Variants in BBOX1 observed in about 807,000 individuals in gnomAD.
BBOX1 encodes the protein gamma-butyrobetaine dioxygenase.
BBOX1 carries 35 observed loss-of-function variants against 41.6 expected under a neutral mutation model. The observed-to-expected ratio is 0.84, with a 90% confidence interval of 0.64 to 1.11. The LOEUF is 1.11. Among genes scored for constraint, BBOX1 ranks in the 50% most tolerant of loss-of-function variants. BBOX1 has a pLI of 0.00. For missense variants in BBOX1, 458 were observed against 460.6 expected (o/e 0.99, Z 0.05); for synonymous variants, 163 against 154.7 (o/e 1.05, Z -0.40).
chr11:27,079,039 C>A (rs563914870), intron 4 of BBOX1, among the ~76,000 whole-genome samples: 1 of 152,030 alleles, frequency 6.6e-6, no homozygotes. Context: ...AGCAAAGGCA[C>A]GTTAAAGAAC....
At chr11:27,110,998 C>G (rs1017266694) in intron 5 of BBOX1, among the ~76,000 whole-genome samples, 1 of 151,894 alleles carries the variant, frequency 6.6e-6, no homozygotes, top group African/African-American at 2.4e-5. Flanking sequence ...CTTACAAAGT[C>G]TGAATAATGG....
At chr11:27,054,205 C>CTGTGTGTGTGTGTGTG (rs57324926) in intron 2 of BBOX1, among the ~76,000 whole-genome samples, 33 of 139,486 alleles carry the variant, frequency 2.4e-4, no homozygotes, top group African/African-American at 7.1e-4. Flanking sequence ...GTGTGTGTGT[C>CTGTGTGTGTGTGTGTG]TGTGTGTGTG....
chr11:27,089,248 C>A (rs1317862214), intron 4 of BBOX1, among the ~76,000 whole-genome samples: 1 of 151,934 alleles, frequency 6.6e-6, no homozygotes, highest in Non-Finnish European at 1.5e-5. Context: ...GATGTCAAAT[C>A]TCAATAACCA....
chr11:27,091,328 C>T (rs190526226), intron 4 of BBOX1, among the ~76,000 whole-genome samples: 4 of 152,074 alleles, frequency 2.6e-5, no homozygotes, highest in Admixed American at 2.6e-4. Flanking sequence ...AAACCTACTG[C>T]ATATCACCAT....
At position 27,125,652 on chromosome 11, in the gene BBOX1, A is replaced by G; in HGVS notation, c.837-2A>G. On this transcript the variant is annotated splice_acceptor_variant, in intron 7 of 8. Transcript: ENST00000263182. LOFTEE classifies it high-confidence loss of function. ...TATTAATTTTTTCTCTTAATAAAACAGGTTAGATGATAAAGGCCAAGTGGT... is the reference window on the plus strand; with the variant it reads ...TATTAATTTTTTCTCTTAATAAAACGGGTTAGATGATAAAGGCCAAGTGGT... 2 of 1,521,928 alleles carry G rather than the reference A, an allele frequency of 1.3e-6. No homozygotes were observed. The highest frequency in any genetic ancestry group is 1.8e-6 in the Non-Finnish European group (2 of 1,134,184). The allele number at this position is 1,521,928 out of a possible 1,614,324, so 94.3% of individuals were successfully genotyped here.
chr11:27,073,302 A>T (rs1233719591), intron 4 of BBOX1, among the ~76,000 whole-genome samples: 1 of 152,256 alleles, frequency 6.6e-6, no homozygotes, highest in Non-Finnish European at 1.5e-5. Flanking sequence ...GCCAACAGTC[A>T]CATGAAAAAT....
At chr11:27,106,415 CA>C (rs1284871816) in intron 5 of BBOX1, among the ~76,000 whole-genome samples, 32 of 150,410 alleles carry the variant, frequency 2.1e-4, no homozygotes, top group Non-Finnish European at 3.3e-4. Context: ...AAATGGAAAA[CA>C]AAAAAAAGGT....
Position 27,119,741 on chromosome 11 carries a change from T to A in BBOX1, c.732T>A (p.Asn244Lys). The A allele has an allele frequency of 1.2e-6, 2 of 1,604,448 alleles. No homozygotes were observed. The highest frequency in any genetic ancestry group is 1.7e-6 in the Non-Finnish European group (2 of 1,176,694). The change falls in exon 7 of 9, where the codon AAT (asparagine) becomes AAA (lysine). Residue 244 changes from asparagine to lysine, a missense_variant. By Grantham distance (94) the Asn-to-Lys change is moderately conservative. Transcript: ENST00000263182. The stretch of plus-strand genomic sequence containing the variant: ...ATGTGTGCCAAAAACTAAAGAAAAA[T>A]AATCCTCAGGCATTCCAGATTTTGT... The part of the protein sequence containing the change: ...GFNVCQKLKK[N>K]NPQAFQILSS...
chr11:27,105,350 G>A (rs972616674), intron 5 of BBOX1, among the ~76,000 whole-genome samples: 3 of 152,208 alleles, frequency 2.0e-5, no homozygotes, highest in African/African-American at 7.2e-5. Context: ...CTTGAAAAAA[G>A]ATTAGACAAA....
intron 4 of BBOX1, among the ~76,000 whole-genome samples, chr11:27,078,391 A>G (rs1857708905): frequency 2.0e-5 from 3 of 152,130 alleles, no homozygotes; most frequent in Admixed American, 1.3e-4. Context: ...GTTACAATGT[A>G]TACATGTACC....
intron 6 of BBOX1, among the ~76,000 whole-genome samples, chr11:27,118,672 C>T (rs1466269479): frequency 6.6e-6 from 1 of 151,870 alleles, no homozygotes; most frequent in Non-Finnish European, 1.5e-5. Flanking sequence ...TTTAACCTAG[C>T]AATAAAAGTA....
rs901248032 is a variant in BBOX1, at chr11:27,096,204, C to T, written c.533+2838C>T. Among the ~76,000 whole-genome samples, 9 of 152,088 alleles carry T rather than the reference C, an allele frequency of 5.9e-5. No individual in the cohort carries two copies. The East Asian group carries it at 9.7e-4, about 16-fold the overall frequency. The stretch of plus-strand genomic sequence containing the variant: ...GATGTGCACAAAATGGCATTTACCA[C>T]GTTATTCTTTCTACTTTGTTTGTGC... On this transcript the variant is annotated intron_variant, in intron 5 of 8. Transcript: ENST00000263182.
At chr11:27,045,317 G>C (rs999017764) in intron 2 of BBOX1, among the ~76,000 whole-genome samples, 1 of 152,272 alleles carries the variant, frequency 6.6e-6, no homozygotes, top group Non-Finnish European at 1.5e-5. Context: ...ATCAGCTTAA[G>C]GAGATTTTGG....
At chr11:27,043,839 A>G (rs1308644037) in intron 2 of BBOX1, among the ~76,000 whole-genome samples, 3 of 152,116 alleles carry the variant, frequency 2.0e-5, no homozygotes, top group Non-Finnish European at 2.9e-5. Context: ...TATCCAGTCT[A>G]TCATTGATGA....
intron 2 of BBOX1, among the ~76,000 whole-genome samples, chr11:27,043,657 T>C (rs922023172): frequency 6.6e-6 from 1 of 152,188 alleles, no homozygotes; most frequent in African/African-American, 2.4e-5. Context: ...TGTGTTCTCA[T>C]TGTTCAAGTC....
At chr11:27,093,626 G>A (rs907438208) in intron 5 of BBOX1, among the ~76,000 whole-genome samples, 5 of 151,892 alleles carry the variant, frequency 3.3e-5, no homozygotes, top group Admixed American at 6.6e-5. Context: ...CTGCCATAAC[G>A]AAATATCACA....
At chr11:27,055,352 C>T (rs765427088) in intron 2 of BBOX1, 41 bp from the exon 3 acceptor site, 23 of 1,440,226 alleles carry the variant, frequency 1.6e-5, no homozygotes, top group Non-Finnish European at 2.0e-5. Context: ...AAGTTTAGAT[C>T]TTATCTGCCT....
chr11:27,116,835 C>T (rs538389111), intron 6 of BBOX1, among the ~76,000 whole-genome samples: 25 of 151,988 alleles, frequency 1.6e-4, no homozygotes, highest in African/African-American at 5.5e-4. Context: ...GGAAATAGAC[C>T]GCTTATGGAG....
chr11:27,063,526 C>G (rs1028427258), intron 4 of BBOX1, among the ~76,000 whole-genome samples: 1 of 151,876 alleles, frequency 6.6e-6, no homozygotes, highest in Non-Finnish European at 1.5e-5. Flanking sequence ...GTATTAATCT[C>G]TAACTTTAAT....
Sources: allele counts gnomAD v4.1 joint callset (sites outside exome capture counted in the v4.1 genomes callset), GRCh38; gene constraint gnomAD v4.1.1; transcripts MANE v1.5; gene names NCBI Gene and HGNC (gene_info 2026-07-23, HGNC 2026-07-21).